PALM2AKAP2: variants seen among roughly 807,000 people sequenced by gnomAD.
PALM2AKAP2 encodes PALM2 and AKAP2 fusion.
Under a neutral mutation model 71.5 loss-of-function variants are expected in PALM2AKAP2, and 37 were observed. The observed-to-expected ratio is 0.52, with a 90% CI of 0.40 to 0.68. The LOEUF is 0.68. PALM2AKAP2 is among the 30% of genes least tolerant of loss of function. The pLI is 0.00. For synonymous variants in PALM2AKAP2, 468 were observed against 478.8 expected, an observed-to-expected ratio of 0.98 and a Z score of 0.29; for missense variants, 1,224 against 1,191.8, an observed-to-expected ratio of 1.03 and a Z score of -0.40.
At chr9:110,003,243 G>T (rs544798758) in intron 6 of PALM2AKAP2, among the ~76,000 whole-genome samples, 1 of 151,842 alleles carries the variant, frequency 6.6e-6, no homozygotes, top group African/African-American at 2.4e-5. Context: ...CTTTGTTCTC[G>T]TTGGTTTCAA....
chr9:109,949,626 C>T (rs1831589271), intron 6 of PALM2AKAP2, among the ~76,000 whole-genome samples: 1 of 152,162 alleles, frequency 6.6e-6, no homozygotes, highest in Non-Finnish European at 1.5e-5. Flanking sequence ...GGGGCATGAA[C>T]AAAGGGCCTG....
intron 1 of PALM2AKAP2, among the ~76,000 whole-genome samples, chr9:110,110,738 G>A (rs1199944562): frequency 6.6e-6 from 1 of 151,694 alleles, no homozygotes; most frequent in Non-Finnish European, 1.5e-5. Context: ...GTAGAGTCAG[G>A]GTTTCACAAT....
intron 1 of PALM2AKAP2, among the ~76,000 whole-genome samples, chr9:109,834,498 G>A (rs1828399375): frequency 6.6e-6 from 1 of 152,224 alleles, no homozygotes; most frequent in Non-Finnish European, 1.5e-5. Flanking sequence ...GTATTGGGAT[G>A]TGAAGTTGTG....
intron 3 of PALM2AKAP2, among the ~76,000 whole-genome samples, chr9:109,894,173 C>G (rs1008113971): frequency 6.6e-6 from 1 of 151,994 alleles, no homozygotes; most frequent in African/African-American, 2.4e-5. Flanking sequence ...CCCGTCTCTA[C>G]TAAAAATACA....
intron 1 of PALM2AKAP2, among the ~76,000 whole-genome samples, chr9:109,812,554 C>T (rs1587929166): frequency 6.6e-6 from 1 of 152,164 alleles, no homozygotes; most frequent in Non-Finnish European, 1.5e-5. Flanking sequence ...AACATCTGCT[C>T]TCTTCCCACA....
intron 3 of PALM2AKAP2, among the ~76,000 whole-genome samples, chr9:109,894,166 G>A (rs1278868775): frequency 2.0e-5 from 3 of 151,896 alleles, no homozygotes; most frequent in Non-Finnish European, 2.9e-5. Flanking sequence ...ATGAAACCCC[G>A]TCTCTACTAA....
At chr9:110,037,011 C>T (rs565517023) in intron 7 of PALM2AKAP2, among the ~76,000 whole-genome samples, 12 of 152,172 alleles carry the variant, frequency 7.9e-5, no homozygotes, top group South Asian at 2.1e-4. Context: ...TAACAATTAC[C>T]GCCTCCTGAC....
chr9:110,053,543 AAAAAAG>A (rs1253789485), intron 1 of PALM2AKAP2, among the ~76,000 whole-genome samples: 6 of 150,724 alleles, frequency 4.0e-5, no homozygotes, highest in Non-Finnish European at 5.9e-5. Flanking sequence ...AAAAAAAAAA[AAAAAAG>A]AAAAAAAGAA....
chr9:110,119,355 A>G (rs912587514), intron 1 of PALM2AKAP2, among the ~76,000 whole-genome samples: 1 of 151,776 alleles, frequency 6.6e-6, no homozygotes, highest in Non-Finnish European at 1.5e-5. Context: ...AAAAAAAAAA[A>G]AAAAAGAAAA....
At chr9:109,797,664 C>T (rs907133195) in intron 1 of PALM2AKAP2, among the ~76,000 whole-genome samples, 5 of 152,198 alleles carry the variant, frequency 3.3e-5, no homozygotes, top group African/African-American at 7.2e-5. Flanking sequence ...GGCTGTGAAC[C>T]GCCAGGGCAG....
intron 1 of PALM2AKAP2, among the ~76,000 whole-genome samples, chr9:109,782,602 T>G (rs1364290209): frequency 6.6e-6 from 1 of 152,182 alleles, no homozygotes; most frequent in Non-Finnish European, 1.5e-5. Flanking sequence ...GTAGGTTATA[T>G]GCAAATACCA....
At chr9:110,142,068 C>CTTTTT (rs994621645) in intron 2 of PALM2AKAP2, among the ~76,000 whole-genome samples, 1 of 121,850 alleles carries the variant, frequency 8.2e-6, no homozygotes, top group African/African-American at 3.0e-5. Context: ...TCTTATTTTA[C>CTTTTT]TTTTTTTTTT....
rs34408706 is a variant in PALM2AKAP2 at position 110,014,806 on chromosome 9, GTATATATATATA to G, written c.497-1113_497-1102del. ...AAAAAAAAAAAAAAAAAAAAAAAAT[GTATATATATATA>G]TATATATATATATATATATATATAT... On this transcript the variant is annotated intron_variant, in intron 6 of 9. Coordinates refer to the PALM2AKAP2 transcript ENST00000302798. 4.5e-3 allele frequency among the ~76,000 whole-genome samples: 188 copies of G among 41,554 alleles called. 6 individuals carry two copies. Among genetic ancestry groups the G allele is most frequent in the African/African-American group, 0.015 (100 of 6,640 alleles). 27.3% of individuals were successfully genotyped at this position (41,554 alleles called of 152,430 possible).
intron 6 of PALM2AKAP2, among the ~76,000 whole-genome samples, chr9:110,003,256 A>T (rs563282129): frequency 6.6e-6 from 1 of 152,218 alleles, no homozygotes; most frequent in Admixed American, 6.5e-5. Flanking sequence ...GGTTTCAAAG[A>T]ACATCTTTAT....
intron 1 of PALM2AKAP2, among the ~76,000 whole-genome samples, chr9:109,820,231 G>C (rs1199212571): frequency 6.6e-6 from 1 of 152,210 alleles, no homozygotes; most frequent in Admixed American, 6.5e-5. Flanking sequence ...GTTAATTTAT[G>C]CCATCTGGAG....
At chr9:109,952,520 G>A (rs1588029901) in intron 6 of PALM2AKAP2, among the ~76,000 whole-genome samples, 1 of 152,174 alleles carries the variant, frequency 6.6e-6, no homozygotes. Flanking sequence ...TTTATAGATT[G>A]CTCAAACCGC....
intron 2 of PALM2AKAP2, among the ~76,000 whole-genome samples, chr9:110,155,128 A>G (rs1464270808): frequency 6.6e-6 from 1 of 152,222 alleles, no homozygotes; most frequent in Non-Finnish European, 1.5e-5. Flanking sequence ...GGAAATGTGG[A>G]CACCAGGCTT....
At chr9:109,674,509 G>A (rs1239303063) in intron 1 of PALM2AKAP2, among the ~76,000 whole-genome samples, 1 of 152,024 alleles carries the variant, frequency 6.6e-6, no homozygotes, top group Non-Finnish European at 1.5e-5. Context: ...CCTTAACTTT[G>A]TGGAGGGTTG....
intron 2 of PALM2AKAP2, among the ~76,000 whole-genome samples, chr9:110,144,002 T>G (rs1299240496): frequency 6.6e-6 from 1 of 152,226 alleles, no homozygotes; most frequent in Non-Finnish European, 1.5e-5. Flanking sequence ...CTTAACTGGG[T>G]CTCTGTTCTT....
Sources: allele counts gnomAD v4.1 joint callset (sites outside exome capture counted in the v4.1 genomes callset), GRCh38; gene constraint gnomAD v4.1.1; transcripts MANE v1.5; gene names NCBI Gene and HGNC (gene_info 2026-07-23, HGNC 2026-07-21).